TTLL7: variants seen among roughly 807,000 people sequenced by gnomAD.
TTLL7 encodes tubulin polyglutamylase TTLL7.
TTLL7 carries 53 observed loss-of-function variants against 120.2 expected under a neutral mutation model. The observed-to-expected ratio is 0.44, with a 90% CI of 0.35 to 0.55. TTLL7 has a LOEUF of 0.55. Among genes scored for constraint, TTLL7 ranks in the 20% least tolerant of loss-of-function variants. The pLI, the probability that TTLL7 is intolerant of heterozygous loss-of-function variation, is 0.00. For missense variants in TTLL7, 803 were observed against 1,054.7 expected (o/e 0.76, Z 3.31); for synonymous variants, 353 against 351.7 (o/e 1.00, Z -0.04).
At chr1:83,899,268 T>G (rs979170312) in intron 18 of TTLL7, among the ~76,000 whole-genome samples, 3 of 151,906 alleles carry the variant, frequency 2.0e-5, no homozygotes, top group Non-Finnish European at 4.4e-5. Context: ...TCTGAGAAAT[T>G]TGAGACTGTT....
At chr1:83,951,368 T>C (rs907649930) in intron 3 of TTLL7, among the ~76,000 whole-genome samples, 3 of 151,184 alleles carry the variant, frequency 2.0e-5, no homozygotes, top group Non-Finnish European at 4.4e-5. Flanking sequence ...GAAGAAGGAA[T>C]GTAATGTGTT....
At chr1:83,898,077 G>A (rs78518237) in intron 18 of TTLL7, among the ~76,000 whole-genome samples, 11 of 151,766 alleles carry the variant, frequency 7.2e-5, no homozygotes, top group Non-Finnish European at 1.2e-4. Flanking sequence ...CACTCCACAG[G>A]TGACCTACAT....
intron 20 of TTLL7, among the ~76,000 whole-genome samples, chr1:83,879,592 C>T (rs1001539281): frequency 2.0e-5 from 3 of 151,972 alleles, no homozygotes. Flanking sequence ...TATTAGAAAA[C>T]TCACTTGGCT....
At chr1:83,941,288 A>G (rs1172078105) in intron 7 of TTLL7, among the ~76,000 whole-genome samples, 1 of 152,124 alleles carries the variant, frequency 6.6e-6, no homozygotes, top group Non-Finnish European at 1.5e-5. Flanking sequence ...CTGCCTCCCC[A>G]CTAGACTGTT....
Position 83,945,950 on chromosome 1 carries a change from T to A in TTLL7, c.506+1174A>T, listed in dbSNP as rs557244471. 1.1e-4 allele frequency: 17 copies of A among 150,506 alleles called. No individual in the cohort carries two copies. In the East Asian group the frequency reaches 2.3e-3, roughly 21 times the overall value. 9.3% of individuals were successfully genotyped at this position (150,506 alleles called of 1,614,324 possible). On this transcript the variant is annotated intron_variant, in intron 6 of 20. Coordinates refer to ENST00000260505, the MANE Select transcript of TTLL7 (RefSeq NM_024686.6). The stretch of plus-strand genomic sequence containing the variant: ...ATTTGCAAATAATGTATGATTGGAT[T>A]ATTAAGTTATGATTAAAAGTCAAAA...
intron 1 of TTLL7, chr1:83,979,345 T>A (rs113283115): frequency 6.6e-6 from 1 of 152,120 alleles, no homozygotes; most frequent in Non-Finnish European, 1.5e-5. Context: ...ACAGGACCAG[T>A]TGAGTCAGGA....
At position 83,865,217 on chromosome 1, in the gene TTLL7, G is replaced by A. The variant is rs1424404957; in HGVS notation, c.*4745C>T. ...AGTAAAGCACACGGGGATAATGTGA[G>A]TCATGATTCATGTTAGCAAATGTAT... On this transcript the variant is annotated 3_prime_UTR_variant, in exon 21 of 21. Transcript: ENST00000260505. 6.6e-6 allele frequency: 1 copy of A among 151,930 alleles called. No individual in the cohort carries two copies. The highest frequency in any genetic ancestry group is 6.6e-5 in the Admixed American group (1 of 15,228). The allele number at this position is 151,930 out of a possible 1,614,324, so 9.4% of individuals were successfully genotyped here.
chr1:83,914,383 G>A (rs1178637026), intron 14 of TTLL7, among the ~76,000 whole-genome samples: 1 of 124,460 alleles, frequency 8.0e-6, no homozygotes, highest in Non-Finnish European at 1.6e-5. Context: ...CCAAGCCAGA[G>A]TGCAGTGGCG....
intron 1 of TTLL7, among the ~76,000 whole-genome samples, chr1:83,995,908 T>C (rs978754629): frequency 2.0e-5 from 3 of 152,178 alleles, no homozygotes; most frequent in Non-Finnish European, 4.4e-5. Flanking sequence ...ATCTACCAAA[T>C]GGAAAATTAT....
At position 83,990,236 on chromosome 1, in the gene TTLL7, C is replaced by T. The variant is rs1432833757; in HGVS notation, c.-177+8695G>A. Among the ~76,000 whole-genome samples the T allele has an allele frequency of 5.0e-5, 7 of 140,260 alleles. 1 individual carries two copies. The South Asian group carries it at 8.8e-4, about 18-fold the overall frequency. The allele number at this position is 140,260 out of a possible 152,430, so 92.0% of individuals were successfully genotyped here. A position where few individuals can be genotyped will look rare whatever the true frequency, so the allele number is the denominator to read the frequency against. ...CAGGCCGGACTGCGGACTGCAGTGG[C>T]GCAATCTCGGCTCACTGCAAGCTCC... On this transcript the variant is annotated intron_variant, in intron 1 of 20. Coordinates refer to ENST00000260505, the MANE Select transcript of TTLL7 (RefSeq NM_024686.6).
At chr1:83,887,223 G>C in intron 19 of TTLL7, 1 of 1,186,176 alleles carries the variant, frequency 8.4e-7, no homozygotes, top group Non-Finnish European at 1.1e-6. Flanking sequence ...AAGAATCAAG[G>C]CCTTGGATTC....
At chr1:83,931,922 C>T (rs1429653878) in intron 9 of TTLL7, among the ~76,000 whole-genome samples, 1 of 152,124 alleles carries the variant, frequency 6.6e-6, no homozygotes, top group African/African-American at 2.4e-5. Flanking sequence ...GGGAGCAAAA[C>T]ACAAGGCAAG....
At chr1:83,906,052 CTAAT>C (rs1263549669) in intron 17 of TTLL7, among the ~76,000 whole-genome samples, 4 of 152,122 alleles carry the variant, frequency 2.6e-5, no homozygotes, top group Middle Eastern at 3.4e-3. Flanking sequence ...TTATTTAACA[CTAAT>C]TATTCTGACT....
At position 83,921,129 on chromosome 1, in the gene TTLL7, A is replaced by T. The variant is rs755758118; in HGVS notation, c.1322T>A (p.Ile441Asn). The T allele has an allele frequency of 6.2e-7, 1 of 1,613,158 alleles. No homozygotes were observed. Among genetic ancestry groups the T allele is most frequent in the African/African-American group, 1.3e-5 (1 of 74,880 alleles). Residue 441 changes from isoleucine to asparagine, a missense_variant, in exon 12 of 21, where the codon ATC becomes AAC. By Grantham distance (149) the Ile-to-Asn change is moderately radical. Coordinates refer to ENST00000260505, the MANE Select transcript of TTLL7 (RefSeq NM_024686.6). ...TCGATTTTCATGTTCTTCTCGTGAG[A>T]TCTGCTTTCGTACTTGAGCGAGTCT... The part of the protein sequence containing the change: ...KERLAQVRKQ[I>N]SREEHENRHM...
chr1:83,887,330 C>T (rs746394179), intron 19 of TTLL7: 24 of 788,708 alleles, frequency 3.0e-5, no homozygotes, highest in Middle Eastern at 6.8e-4. Context: ...TCCTTAAAAA[C>T]TGAGAAGAGT....
intron 1 of TTLL7, among the ~76,000 whole-genome samples, chr1:83,992,346 G>T (rs1653076425): frequency 6.6e-6 from 1 of 151,856 alleles, no homozygotes; most frequent in Non-Finnish European, 1.5e-5. Flanking sequence ...TATTAACTAA[G>T]GGGGAAGCTG....
chr1:83,926,842 T>C (rs28528080), intron 10 of TTLL7, among the ~76,000 whole-genome samples: 1,591 of 152,306 alleles, frequency 0.01, 32 homozygotes, highest in African/African-American at 0.036. Context: ...ATGATTGTAA[T>C]AGAATACTTA....
rs199671298 is a variant in TTLL7, at chr1:83,949,952, T to C, written c.192A>G (p.Lys64=). 3.9e-5 allele frequency: 63 copies of C among 1,613,442 alleles called. 1 individual carries two copies. The East Asian group carries it at 1.4e-3, about 36-fold the overall frequency. Residue 64 remains lysine (K), a synonymous_variant, in exon 4 of 21, where the codon AAA becomes AAG. Transcript: ENST00000260505. The part of the protein sequence containing the change: ...RLVIDEMGFM[K]TPDEDETSNL... Reference sequence around the variant, plus strand: ...TACTTGTTTCATCCTCATCTGGAGTTTTCATAAATCCCATTTCATCTATTA... The same window carrying C: ...TACTTGTTTCATCCTCATCTGGAGTCTTCATAAATCCCATTTCATCTATTA...
chr1:83,879,318 C>T (rs1270369733), intron 20 of TTLL7, among the ~76,000 whole-genome samples: 18 of 151,896 alleles, frequency 1.2e-4, no homozygotes. Flanking sequence ...TCCTTGTGTT[C>T]CAATGTAGAA....
Sources: allele counts gnomAD v4.1 joint callset (sites outside exome capture counted in the v4.1 genomes callset), GRCh38; gene constraint gnomAD v4.1.1; transcripts MANE v1.5; gene names NCBI Gene and HGNC (gene_info 2026-07-23, HGNC 2026-07-21).